SENP6: variants seen among roughly 807,000 people sequenced by gnomAD.
The protein encoded by SENP6 is SUMO specific peptidase 6.
A neutral mutation model predicts 134.5 loss-of-function variants in SENP6; 41 were observed. That is an observed-to-expected ratio of 0.30 (90% CI 0.24 to 0.40). SENP6 has a LOEUF of 0.40. Among genes scored for constraint, SENP6 ranks in the 10% least tolerant of loss-of-function variants. SENP6 has a pLI of 1.00. For missense variants in SENP6, 1,248 were observed against 1,312.5 expected, an observed-to-expected ratio of 0.95 and a Z score of 0.76; for synonymous variants, 395 against 429.8, an observed-to-expected ratio of 0.92 and a Z score of 1.00.
intron 4 of SENP6, among the ~76,000 whole-genome samples, chr6:75,634,278 A>G (rs1769335262): frequency 6.6e-6 from 1 of 151,560 alleles, no homozygotes. Flanking sequence ...AGTATTTAGG[A>G]CTCCTGATTT....
intron 3 of SENP6, among the ~76,000 whole-genome samples, chr6:75,624,419 G>A (rs947695369): frequency 1.3e-5 from 2 of 151,714 alleles, no homozygotes; most frequent in Admixed American, 6.6e-5. Flanking sequence ...ACATACAAGC[G>A]TATCTGTAGA....
At chr6:75,683,534 A>G (rs1773610012) in intron 16 of SENP6, among the ~76,000 whole-genome samples, 1 of 152,176 alleles carries the variant, frequency 6.6e-6, no homozygotes, top group East Asian at 1.9e-4. Flanking sequence ...TTTTAGGTCT[A>G]ACATTTAAGT....
intron 11 of SENP6, among the ~76,000 whole-genome samples, chr6:75,671,443 G>T (rs1772668000): frequency 6.6e-6 from 1 of 152,122 alleles, no homozygotes; most frequent in Non-Finnish European, 1.5e-5. Flanking sequence ...AGAACTTATT[G>T]CCGGGCGCGG....
intron 18 of SENP6, among the ~76,000 whole-genome samples, chr6:75,701,857 C>T (rs1252158594): frequency 6.6e-6 from 1 of 151,980 alleles, no homozygotes; most frequent in Non-Finnish European, 1.5e-5. Flanking sequence ...CCAGGCTGTT[C>T]TCGAACTCCT....
chr6:75,647,841 A>T (rs1770574629), intron 7 of SENP6, 40 bp downstream of exon 7: 1 of 1,467,690 alleles, frequency 6.8e-7, no homozygotes, highest in African/African-American at 1.4e-5. Flanking sequence ...AGGATTTCAA[A>T]TTGCTGTATG....
intron 3 of SENP6, among the ~76,000 whole-genome samples, chr6:75,631,996 T>C (rs979806544): frequency 1.3e-5 from 2 of 152,166 alleles, no homozygotes; most frequent in Non-Finnish European, 2.9e-5. Flanking sequence ...GGCAGATATT[T>C]TTTGTTTTTG....
chr6:75,615,174 A>G (rs534383290), intron 1 of SENP6, among the ~76,000 whole-genome samples: 11 of 151,948 alleles, frequency 7.2e-5, no homozygotes, highest in Admixed American at 5.9e-4. Context: ...TATCTCGCCT[A>G]TCCTGCTAAG....
At chr6:75,617,608 C>G (rs1288038597) in intron 1 of SENP6, among the ~76,000 whole-genome samples, 1 of 152,064 alleles carries the variant, frequency 6.6e-6, no homozygotes. Context: ...AACTTTTACT[C>G]CGCCTCCACT....
At chr6:75,662,773 A>G (rs930361818) in intron 8 of SENP6, among the ~76,000 whole-genome samples, 3 of 152,130 alleles carry the variant, frequency 2.0e-5, no homozygotes, top group East Asian at 1.9e-4. Flanking sequence ...TTTAGTATCA[A>G]TTTTATGAGA....
chr6:75,624,999 C>A (rs533392220), intron 3 of SENP6, among the ~76,000 whole-genome samples: 13 of 150,964 alleles, frequency 8.6e-5, no homozygotes, highest in Non-Finnish European at 1.8e-4. Flanking sequence ...GTAGTACATA[C>A]AATAATGGTG....
chr6:75,663,223 T>C lies in SENP6; in HGVS notation c.699T>C (p.Asp233=). The part of the protein sequence containing the change: ...ASKKCLTHLE[D]LQRNCRQAIT... ...GTTGTGGTGTTCTTTTTTCTAAGGA[T>C]TTGCAAAGAAATTGCAGACAAGCTA... The change falls in exon 9 of 24, where the codon GAT becomes GAC. Residue 233 remains aspartate (D), a splice_region_variant and synonymous_variant. Coordinates refer to ENST00000447266, the MANE Select transcript of SENP6 (RefSeq NM_015571.4). The C allele has an allele frequency of 1.9e-6, 3 of 1,607,790 alleles. No individual in the cohort carries two copies. The East Asian group carries it at 6.7e-5, about 36-fold the overall frequency.
chr6:75,602,320 C>A lies in SENP6; in HGVS notation c.-205C>A, dbSNP rs1766682797. The A allele has an allele frequency of 4.1e-6, 2 of 483,272 alleles. No individual in the cohort carries two copies. The highest frequency in any genetic ancestry group is 4.2e-5 in the Admixed American group (1 of 23,626). The allele number at this position is 483,272 out of a possible 1,614,324, so 29.9% of individuals were successfully genotyped here. A position where few individuals can be genotyped will look rare whatever the true frequency, so the allele number is the denominator to read the frequency against. ...AAGCTCGGGCCGCGGGCCTCGCTGC[C>A]CGCCAGCCCGCGGACAGGCCCGGGC... On this transcript the variant is annotated 5_prime_UTR_variant, in exon 1 of 24. Transcript: ENST00000447266.
At chr6:75,676,758 A>G (rs17792285) in intron 13 of SENP6, 74,991 of 254,032 alleles carry the variant, frequency 0.3, 12,319 homozygotes, top group Middle Eastern at 0.38. Context: ...TAGATGAAGT[A>G]AATTAGTTAC....
intron 6 of SENP6, among the ~76,000 whole-genome samples, chr6:75,645,542 G>A (rs931930458): frequency 6.6e-6 from 1 of 152,126 alleles, no homozygotes; most frequent in African/African-American, 2.4e-5. Context: ...ACTTGAACCC[G>A]GGAGGCAGAG....
At chr6:75,631,760 A>G (rs1324214369) in intron 3 of SENP6, among the ~76,000 whole-genome samples, 1 of 152,250 alleles carries the variant, frequency 6.6e-6, no homozygotes, top group Non-Finnish European at 1.5e-5. Flanking sequence ...AGCCTACAAT[A>G]CTTACTTTTA....
intron 19 of SENP6, among the ~76,000 whole-genome samples, chr6:75,705,925 C>CTTTTTTTTTTTTTTTTTTTTT (rs71544062): frequency 2.1e-5 from 1 of 47,976 alleles, no homozygotes; most frequent in Non-Finnish European, 3.5e-5. Context: ...ATTTTTGAGC[C>CTTTTTTTTTTTTTTTTTTTTT]TTTTTTTTTT....
intron 1 of SENP6, among the ~76,000 whole-genome samples, chr6:75,607,926 C>T (rs969913213): frequency 3.9e-5 from 6 of 152,174 alleles, no homozygotes; most frequent in East Asian, 1.9e-4. Context: ...TTCTCCCAAA[C>T]GATTGGCATT....
chr6:75,653,106 C>CCG (rs1771035846), intron 7 of SENP6, among the ~76,000 whole-genome samples: 1 of 152,146 alleles, frequency 6.6e-6, no homozygotes, highest in African/African-American at 2.4e-5. Flanking sequence ...TCTCAGCTCA[C>CCG]CGCAACCTCC....
chr6:75,679,401 A>T (rs1212304154), intron 16 of SENP6: 1 of 155,552 alleles, frequency 6.4e-6, no homozygotes, highest in Non-Finnish European at 1.4e-5. Flanking sequence ...GCAAAACTCT[A>T]CCCCCACACC....
Sources: gnomAD v4.1 joint callset for allele counts (sites outside exome capture counted in the v4.1 genomes callset) on GRCh38, gnomAD v4.1.1 for gene constraint, MANE v1.5 for transcripts, NCBI Gene and HGNC (gene_info 2026-07-23, HGNC 2026-07-21) for gene names.